TDRD9: variants seen among roughly 807,000 people sequenced by gnomAD.
TDRD9 encodes tudor domain containing 9, also known as ATP-dependent RNA helicase TDRD9.
A neutral mutation model predicts 172.6 loss-of-function variants in TDRD9; 124 were observed. That is an observed-to-expected ratio of 0.72 (90% CI 0.62 to 0.83). The LOEUF (loss-of-function observed/expected upper bound fraction) is 0.83, where lower values mean the gene tolerates loss of function less well. TDRD9 is among the 40% of genes least tolerant of loss of function. TDRD9 has a pLI of 0.00. For synonymous variants in TDRD9, 619 were observed against 617.1 expected (o/e 1.00, Z -0.05); for missense variants, 1,479 against 1,714.1 (o/e 0.86, Z 2.42).
chr14:103,933,378 T>C (rs1309439334), intron 1 of TDRD9, among the ~76,000 whole-genome samples: 1 of 152,182 alleles, frequency 6.6e-6, no homozygotes, highest in Admixed American at 6.5e-5. Context: ...ACAGCTCACG[T>C]TAACTCCTGG....
In TDRD9 at chr14:104,018,159, G is replaced by C. The variant is rs772308360; in HGVS notation, c.2399G>C (p.Gly800Ala). 6.2e-6 allele frequency: 10 copies of C among 1,606,566 alleles called. No homozygotes were observed. In the Admixed American group the frequency reaches 1.5e-4, roughly 24 times the overall value. The change falls in exon 23 of 36, where the codon GGT (glycine) becomes GCT (alanine). Residue 800 changes from glycine to alanine, a missense_variant. Gly to Ala is a moderately conservative substitution (Grantham distance 60). Transcript: ENST00000409874. ...KQLQSLFRQC[G>A]QVKSIVFDGA... is the part of the protein sequence containing the mutation. ...CTACAGTCTCTCTTTAGACAGTGTGGTCAAGTCAAATCCATTGTATTTGAT... is the reference window on the plus strand; with the variant it reads ...CTACAGTCTCTCTTTAGACAGTGTGCTCAAGTCAAATCCATTGTATTTGAT...
rs2273841 is a variant in TDRD9 at position 104,040,312 on chromosome 14, T to G, written c.3833T>G (p.Phe1278Cys). 6,735 of 1,551,184 alleles carry G rather than the reference T, an allele frequency of 4.3e-3. 159 individuals are homozygous for G. In the East Asian group the frequency reaches 0.054, roughly 12 times the overall value. ...ATGGAGCTTGCGTTTGACGTTCAATTCAGCGTGGAGGATGTCGTCGAGGTA... is the reference window on the plus strand; with the variant it reads ...ATGGAGCTTGCGTTTGACGTTCAATGCAGCGTGGAGGATGTCGTCGAGGTA... ...HDMELAFDVQ[F>C]SVEDVVEVNI... Residue 1278 changes from phenylalanine to cysteine, a missense_variant, in exon 33 of 36, where the codon TTC becomes TGC. Phe to Cys is a radical substitution (Grantham distance 205, BLOSUM62 -2). This residue lies in a region of TDRD9 where 1,413 missense variants were observed against 1,649.1 expected (regional missense o/e 0.86). Coordinates refer to ENST00000409874, the MANE Select transcript of TDRD9 (RefSeq NM_153046.3).
chr14:104,050,277 A>G (rs185090547), intron 35 of TDRD9, among the ~76,000 whole-genome samples: 61 of 151,982 alleles, frequency 4.0e-4, no homozygotes, highest in Non-Finnish European at 1.5e-4. Context: ...TTGGGGTCCC[A>G]CCCTTGTGAC....
chr14:104,001,003 C>T (rs541033924), intron 13 of TDRD9, among the ~76,000 whole-genome samples: 3 of 152,296 alleles, frequency 2.0e-5, no homozygotes, highest in South Asian at 2.1e-4. Context: ...TTATCTTCCC[C>T]TGGAGTAGGA....
chr14:103,964,501 A>T (rs1319166271), intron 3 of TDRD9, among the ~76,000 whole-genome samples: 1 of 151,932 alleles, frequency 6.6e-6, no homozygotes, highest in Admixed American at 6.6e-5. Context: ...ATCACTAGTT[A>T]CTATTTTTTT....
intron 1 of TDRD9, chr14:103,941,623 T>C: frequency 6.5e-7 from 1 of 1,535,370 alleles, no homozygotes; most frequent in Non-Finnish European, 8.7e-7. Context: ...TTTGTCACTA[T>C]GTCTGAGCCA....
At chr14:104,001,311 A>G (rs142879959) in intron 13 of TDRD9, among the ~76,000 whole-genome samples, 2,767 of 152,316 alleles carry the variant, frequency 0.018, 52 homozygotes, top group South Asian at 0.075. Context: ...AGATAAATGG[A>G]ATCATACAGT....
At chr14:103,995,596 G>A (rs986150068) in intron 11 of TDRD9, among the ~76,000 whole-genome samples, 154 bp from the exon 12 acceptor site, 1 of 152,206 alleles carries the variant, frequency 6.6e-6, no homozygotes, top group Non-Finnish European at 1.5e-5. Flanking sequence ...GATCAATTGT[G>A]ATGTGTATAA....
At chr14:104,025,447 A>T (rs1355849216) in intron 25 of TDRD9, 117 bp from the exon 26 acceptor site, 1 of 739,610 alleles carries the variant, frequency 1.4e-6, no homozygotes, top group African/African-American at 1.8e-5. Flanking sequence ...TGTTCCGAGG[A>T]TTAACGCTGG....
At chr14:103,971,951 G>A (rs1375843789) in intron 6 of TDRD9, among the ~76,000 whole-genome samples, 1 of 152,136 alleles carries the variant, frequency 6.6e-6, no homozygotes, top group African/African-American at 2.4e-5. Context: ...AGCCCAAGGA[G>A]ATCAAGACCA....
intron 1 of TDRD9, among the ~76,000 whole-genome samples, chr14:103,954,559 A>G (rs369261472): frequency 1.3e-5 from 2 of 152,344 alleles, no homozygotes; most frequent in South Asian, 2.1e-4. Flanking sequence ...CTGATGTTTA[A>G]CAAAGATTCT....
rs142285855 is a variant in TDRD9, at chr14:104,007,197, A to T, written c.2045A>T (p.Tyr682Phe). 1 of 1,613,898 alleles carries T rather than the reference A, an allele frequency of 6.2e-7. No homozygotes were observed. The highest frequency in any genetic ancestry group is 2.2e-5 in the East Asian group (1 of 44,884). The change falls in exon 19 of 36, where the codon TAC becomes TTC. Residue 682 changes from tyrosine (Y) to phenylalanine (F), a missense_variant. Physicochemically the swap from Tyr to Phe is conservative, Grantham distance 22 (BLOSUM62 3). Transcript: ENST00000409874. The stretch of plus-strand genomic sequence containing the variant: ...TGCAGACAGACAGGGGAGCTGCGGT[A>T]CCCGAAGGTTGGTGAGCCCTTTCCT... ...KACRQTGELR[Y>F]PKDELNWGRL...
chr14:103,974,303 T>C (rs925514462), intron 6 of TDRD9, among the ~76,000 whole-genome samples: 3 of 152,190 alleles, frequency 2.0e-5, no homozygotes, highest in African/African-American at 7.2e-5. Context: ...CTGTGCCCAC[T>C]CCCCACGTAG....
At chr14:103,994,668 T>C (rs889374281) in intron 11 of TDRD9, 65 bp downstream of exon 11, 15 of 1,355,326 alleles carry the variant, frequency 1.1e-5, no homozygotes, top group Non-Finnish European at 8.3e-6. Context: ...ACTCTACTCA[T>C]GAAAAATATT....
intron 1 of TDRD9, among the ~76,000 whole-genome samples, chr14:103,943,647 C>T (rs1287401623): frequency 2.0e-5 from 3 of 152,004 alleles, no homozygotes; most frequent in Non-Finnish European, 4.4e-5. Flanking sequence ...CTGCGCTGGC[C>T]TGTGCTAATT....
intron 1 of TDRD9, chr14:103,942,205 A>C (rs2031280214): frequency 6.5e-6 from 1 of 153,076 alleles, no homozygotes; most frequent in East Asian, 1.9e-4. Flanking sequence ...CTGTAGAAGG[A>C]ATGCGCCACC....
At chr14:104,037,206 T>C (rs2035476743) in intron 32 of TDRD9, among the ~76,000 whole-genome samples, 1 of 152,200 alleles carries the variant, frequency 6.6e-6, no homozygotes, top group Non-Finnish European at 1.5e-5. Flanking sequence ...GTCCCAGCAC[T>C]GTGTCTTAGG....
chr14:103,968,780 A>T, intron 5 of TDRD9, among the ~76,000 whole-genome samples: 1 of 127,620 alleles, frequency 7.8e-6, no homozygotes, highest in Non-Finnish European at 1.6e-5. Context: ...TGGGCGACAG[A>T]GTGAGACTCT....
Position 103,997,594 on chromosome 14 carries a change from C to A in TDRD9, c.1379-1030C>A, listed in dbSNP as rs1461643440. Among the ~76,000 whole-genome samples, 1 of 152,218 alleles carries A rather than the reference C, an allele frequency of 6.6e-6. No individual in the cohort carries two copies. Among genetic ancestry groups the A allele is most frequent in the East Asian group, 1.9e-4 (1 of 5,198 alleles). On this transcript the variant is annotated intron_variant, in intron 12 of 35. Coordinates refer to ENST00000409874, the MANE Select transcript of TDRD9 (RefSeq NM_153046.3). The surrounding 1 kb of genome is among the most constrained non-coding windows in gnomAD (Gnocchi z 5.1). Reference sequence around the variant, plus strand: ...AGGGAGCAGCTGGCGGGGGCGTCAGCCCGTGACTGGCGTTGGAAGGCAGGA... The same window carrying A: ...AGGGAGCAGCTGGCGGGGGCGTCAGACCGTGACTGGCGTTGGAAGGCAGGA...
Sources: gnomAD v4.1 joint callset for allele counts (sites outside exome capture counted in the v4.1 genomes callset) on GRCh38, gnomAD v4.1.1 for gene constraint, gnomAD v4.1.1 regional missense constraint, Gnocchi (gnomAD v3.1) non-coding constraint, MANE v1.5 for transcripts, NCBI Gene and HGNC (gene_info 2026-07-23, HGNC 2026-07-21) for gene names.